RFC1: variants seen among roughly 807,000 people sequenced by gnomAD.
RFC1 encodes the protein replication factor C subunit 1.
In RFC1, 37 loss-of-function variants were observed where a neutral mutation model predicts 137.4. That is an observed-to-expected ratio of 0.27 (90% CI 0.21 to 0.35). RFC1 has a LOEUF of 0.35. RFC1 is among the 10% of genes least tolerant of loss of function. RFC1 has a pLI of 1.00. For missense variants in RFC1, 1,205 were observed against 1,358.5 expected (o/e 0.89, Z 1.78); for synonymous variants, 429 against 455.7 (o/e 0.94, Z 0.75).
intron 7 of RFC1, among the ~76,000 whole-genome samples, chr4:39,322,660 T>A (rs552260220): frequency 8.2e-4 from 125 of 152,020 alleles, no homozygotes; most frequent in African/African-American, 2.9e-3. Flanking sequence ...ATGCTTCTAA[T>A]CCCAACACTT....
chr4:39,289,124 T>A (rs1379889115), intron 24 of RFC1, among the ~76,000 whole-genome samples: 1 of 152,126 alleles, frequency 6.6e-6, no homozygotes, highest in Admixed American at 6.5e-5. Context: ...AGAACAGAGG[T>A]ATACTTAGGA....
At position 39,288,509 on chromosome 4, in the gene RFC1, C is replaced by T. The variant is rs1374945650; in HGVS notation, c.*252G>A. 9.2e-6 allele frequency: 3 copies of T among 326,094 alleles called. No individual in the cohort carries two copies. The highest frequency in any genetic ancestry group is 1.7e-5 in the Non-Finnish European group (3 of 180,460). 20.2% of individuals were successfully genotyped at this position (326,094 alleles called of 1,614,324 possible). ...TTCTAGTTCCAATTCTACAGTCATT[C>T]AGAAGCACGTCTAACTAGATTGACA... is the stretch of plus-strand genomic sequence containing the variant. On this transcript the variant is annotated 3_prime_UTR_variant, in exon 25 of 25. Coordinates refer to ENST00000349703, the MANE Select transcript of RFC1 (RefSeq NM_002913.5).
Position 39,295,662 on chromosome 4 carries a change from C to T in RFC1, c.2906G>A (p.Gly969Asp). Reference sequence around the variant, plus strand: ...GTCCTGAACAATACGATCATGTTTGCCTGTAGACGAGTGCTTCCCCAGCCA... The same window carrying T: ...GTCCTGAACAATACGATCATGTTTGTCTGTAGACGAGTGCTTCCCCAGCCA... ...PSWLGKHSST[G>D]KHDRIVQDLA... Residue 969 changes from glycine (G) to aspartate (D), a missense_variant, in exon 22 of 25, where the codon GGC becomes GAC. This residue lies in a region of RFC1 where 237 missense variants were observed against 304.2 expected (regional missense o/e 0.78). Transcript: ENST00000349703. The T allele has an allele frequency of 6.2e-7, 1 of 1,613,566 alleles. No individual in the cohort carries two copies. Among genetic ancestry groups the T allele is most frequent in the Non-Finnish European group, 8.5e-7 (1 of 1,179,744 alleles).
intron 21 of RFC1, among the ~76,000 whole-genome samples, chr4:39,299,714 T>C (rs3733284): frequency 0.51 from 77,741 of 151,506 alleles, 21,702 homozygotes; most frequent in African/African-American, 0.75. Flanking sequence ...ACAGACTATA[T>C]TTTTGCCACA....
At chr4:39,340,689 T>A (rs1348746675) in intron 4 of RFC1, among the ~76,000 whole-genome samples, 2 of 152,164 alleles carry the variant, frequency 1.3e-5, no homozygotes, top group Non-Finnish European at 2.9e-5. Context: ...TTTTTAATAG[T>A]CTCATTCTCT....
chr4:39,318,967 C>T (rs1739383609), intron 9 of RFC1, among the ~76,000 whole-genome samples: 1 of 152,196 alleles, frequency 6.6e-6, no homozygotes, highest in Admixed American at 6.5e-5. Flanking sequence ...GATTCAGAGA[C>T]CGTTCGCTTC....
At chr4:39,364,175 G>C (rs1741905053) in intron 1 of RFC1, among the ~76,000 whole-genome samples, 1 of 149,890 alleles carries the variant, frequency 6.7e-6, no homozygotes, top group African/African-American at 2.5e-5. Flanking sequence ...CAGAAAATTT[G>C]CATATCATTC....
At chr4:39,324,865 G>A (rs1407562001) in intron 6 of RFC1, among the ~76,000 whole-genome samples, 1 of 152,150 alleles carries the variant, frequency 6.6e-6, no homozygotes, top group Non-Finnish European at 1.5e-5. Context: ...AGGTAGTCTG[G>A]GAAAGTGACA....
At chr4:39,302,943 G>A in intron 16 of RFC1, 69 bp from the exon 17 acceptor site, 6 of 1,518,708 alleles carry the variant, frequency 4.0e-6, no homozygotes, top group Non-Finnish European at 3.6e-6. Flanking sequence ...AGCTATTTTA[G>A]GTTCTAAAAA....
intron 1 of RFC1, among the ~76,000 whole-genome samples, chr4:39,354,940 T>C (rs1243009509): frequency 4.6e-5 from 7 of 151,220 alleles, no homozygotes; most frequent in Middle Eastern, 3.4e-3. Context: ...AAATTGGCCA[T>C]GTGTGGTGGT....
chr4:39,300,196 A>G, intron 20 of RFC1, 58 bp from the exon 21 acceptor site: 1 of 1,610,642 alleles, frequency 6.2e-7, no homozygotes, highest in Non-Finnish European at 8.5e-7. Context: ...TCCCTTCTTC[A>G]CGGGTATTTA....
At chr4:39,366,125 C>A in intron 1 of RFC1, 114 bp downstream of exon 1, 1 of 1,211,036 alleles carries the variant, frequency 8.3e-7, no homozygotes. Flanking sequence ...TGCTAGCCTC[C>A]GGAACCACCC....
intron 4 of RFC1, among the ~76,000 whole-genome samples, chr4:39,329,127 CAAAAAAAAAA>C (rs71594924): frequency 2.5e-4 from 8 of 31,668 alleles, no homozygotes; most frequent in Admixed American, 6.0e-4. Context: ...CAGTGACTCA[CAAAAAAAAAA>C]AAAAAAAAAA....
At chr4:39,309,799 A>G (rs1240722758) in intron 12 of RFC1, among the ~76,000 whole-genome samples, 2 of 152,204 alleles carry the variant, frequency 1.3e-5, no homozygotes, top group African/African-American at 2.4e-5. Flanking sequence ...TATACTTTAT[A>G]AGGGTGGATT....
intron 6 of RFC1, among the ~76,000 whole-genome samples, chr4:39,324,719 G>A (rs1383151083): frequency 6.6e-6 from 1 of 152,170 alleles, no homozygotes; most frequent in Non-Finnish European, 1.5e-5. Context: ...TGAGACAAAT[G>A]GTTGAGTGAG....
intron 1 of RFC1, among the ~76,000 whole-genome samples, chr4:39,351,866 G>A (rs1741223323): frequency 6.6e-6 from 1 of 151,576 alleles, no homozygotes. Flanking sequence ...GGGAGTCTGA[G>A]GCAGGAGAAT....
intron 4 of RFC1, 139 bp downstream of exon 4, chr4:39,342,206 C>T (rs994650868): frequency 1.0e-6 from 1 of 1,001,324 alleles, no homozygotes; most frequent in Non-Finnish European, 1.4e-6. Context: ...TGATCCCAGC[C>T]TTCCCTGACA....
intron 11 of RFC1, 150 bp downstream of exon 11, chr4:39,312,602 T>C (rs1739010197): frequency 2.7e-6 from 2 of 728,068 alleles, no homozygotes; most frequent in African/African-American, 1.8e-5. Flanking sequence ...TCAGAGCCAA[T>C]AACACTTCTG....
chr4:39,348,211 C>A (rs961670279), intron 2 of RFC1, among the ~76,000 whole-genome samples: 2 of 151,706 alleles, frequency 1.3e-5, no homozygotes, highest in African/African-American at 4.8e-5. Context: ...CACTTCAGGT[C>A]AGGAGTTTGA....
Sources: allele counts gnomAD v4.1 joint callset (sites outside exome capture counted in the v4.1 genomes callset), GRCh38; gene constraint gnomAD v4.1.1; regional missense constraint gnomAD v4.1.1; transcripts MANE v1.5; gene names NCBI Gene and HGNC (gene_info 2026-07-23, HGNC 2026-07-21).